RAPGEF6: variants seen among roughly 807,000 people sequenced by gnomAD.
RAPGEF6 encodes PDZ domain containing guanine nucleotide exchange factor (GEF) 2.
A neutral mutation model predicts 171.4 loss-of-function variants in RAPGEF6; 56 were observed. The ratio of observed to expected loss-of-function variants is 0.33; its 90% CI spans 0.26 to 0.41. The LOEUF (loss-of-function observed/expected upper bound fraction) is 0.41, where lower values mean the gene tolerates loss of function less well. Among genes scored for constraint, RAPGEF6 ranks in the 10% least tolerant of loss-of-function variants. The probability of loss-of-function intolerance (pLI) is 1.00; values close to 1 mark genes in which losing one functional copy is unlikely to be tolerated. For missense variants in RAPGEF6, 1,674 were observed against 1,921.4 expected (o/e 0.87, Z 2.41); for synonymous variants, 692 against 650.1 (o/e 1.06, Z -0.98).
chr5:131,480,188 T>C (rs1270065700), intron 15 of RAPGEF6, among the ~76,000 whole-genome samples: 1 of 152,218 alleles, frequency 6.6e-6, no homozygotes, highest in Non-Finnish European at 1.5e-5. Flanking sequence ...GGTCCATTTA[T>C]ACTTGAATTT....
At chr5:131,438,305 TA>T (rs2149810671) in intron 24 of RAPGEF6, among the ~76,000 whole-genome samples, 1 of 152,346 alleles carries the variant, frequency 6.6e-6, no homozygotes, top group Admixed American at 6.5e-5. Context: ...AAATTACTTG[TA>T]GTAACACAGC....
intron 4 of RAPGEF6, among the ~76,000 whole-genome samples, chr5:131,562,927 AAGCTGGACC>A (rs1442990658): frequency 6.6e-6 from 1 of 152,158 alleles, no homozygotes; most frequent in Non-Finnish European, 1.5e-5. Flanking sequence ...GAAAAAACTA[AAGCTGGACC>A]AGTACTAAAA....
chr5:131,448,393 A>G (rs1252936743), intron 21 of RAPGEF6, among the ~76,000 whole-genome samples: 1 of 152,234 alleles, frequency 6.6e-6, no homozygotes, highest in Non-Finnish European at 1.5e-5. Context: ...CAAGTCCATA[A>G]GAGCTCCTTC....
At chr5:131,581,261 A>G (rs1304324988) in intron 4 of RAPGEF6, among the ~76,000 whole-genome samples, 3 of 152,236 alleles carry the variant, frequency 2.0e-5, no homozygotes, top group African/African-American at 4.8e-5. Context: ...GGCTTGGTAT[A>G]TAACATCAAA....
intron 14 of RAPGEF6, among the ~76,000 whole-genome samples, chr5:131,491,840 G>A (rs757382255): frequency 3.3e-5 from 5 of 152,100 alleles, no homozygotes; most frequent in African/African-American, 4.8e-5. Context: ...CCATAAAACT[G>A]GTCCCTGGTG....
chr5:131,529,548 T>C (rs1417042712), intron 6 of RAPGEF6, among the ~76,000 whole-genome samples: 1 of 150,684 alleles, frequency 6.6e-6, no homozygotes, highest in East Asian at 2.0e-4. Context: ...ACTCCAAAAG[T>C]GTCAATAGGG....
At chr5:131,457,908 AG>A (rs1173778382) in intron 19 of RAPGEF6, among the ~76,000 whole-genome samples, 40 of 152,360 alleles carry the variant, frequency 2.6e-4, no homozygotes, top group African/African-American at 8.9e-4. Context: ...GAAGAAAATT[AG>A]ATTGTTTAAC....
chr5:131,458,757 G>C (rs973357331), intron 19 of RAPGEF6, among the ~76,000 whole-genome samples: 1 of 152,174 alleles, frequency 6.6e-6, no homozygotes, highest in Non-Finnish European at 1.5e-5. Context: ...GGGTTCAAGT[G>C]ATTCTCCTGC....
At position 131,468,782 on chromosome 5, in the gene RAPGEF6, G is replaced by GT. The variant is rs1383174005; in HGVS notation, c.2239+3804dup. 6.6e-5 allele frequency among the ~76,000 whole-genome samples: 10 copies of GT among 152,242 alleles called. No homozygotes were observed. The East Asian group carries it at 1.9e-3, about 29-fold the overall frequency. On this transcript the variant is annotated intron_variant, in intron 17 of 27. Transcript: ENST00000509018. ...AGCTCGACGAAAGACAAGACATTGA[G>GT]TAAGGAAGAGAATTCATACAGCAAA...
chr5:131,619,044 G>GGA (rs1765446252), intron 1 of RAPGEF6, among the ~76,000 whole-genome samples: 1 of 145,922 alleles, frequency 6.9e-6, no homozygotes, highest in Admixed American at 6.8e-5. Flanking sequence ...GTTCATGAAA[G>GGA]GAAAAAAAAA....
chr5:131,604,878 A>AC (rs1764461316), intron 1 of RAPGEF6, among the ~76,000 whole-genome samples, 185 bp from the exon 2 acceptor site: 1 of 152,222 alleles, frequency 6.6e-6, no homozygotes, highest in African/African-American at 2.4e-5. Context: ...CAGCTCTCAA[A>AC]GGAACTCCTC....
Position 131,461,939 on chromosome 5 carries a change from C to T in RAPGEF6, c.2630G>A (p.Arg877His), listed in dbSNP as rs376657484. The change falls in exon 19 of 28, where the codon CGT (arginine) becomes CAT (histidine). Residue 877 changes from arginine to histidine, a missense_variant. By Grantham distance (29) the Arg-to-His change is conservative (BLOSUM62 0). Around this residue, in one of 3 missense-constraint regions of RAPGEF6, gnomAD observed 1,116 missense variants for 1,321.5 expected, o/e 0.84. Coordinates refer to ENST00000509018, the MANE Select transcript of RAPGEF6 (RefSeq NM_016340.6). ...GATGTACTCAGTCGGTTCAATATTA[C>T]GAAACAAATCAAAGTCCCTCATTGA... is the stretch of plus-strand genomic sequence containing the variant. The part of the protein sequence containing the change: ...QLSMRDFDLF[R>H]NIEPTEYIDD... 8.7e-6 allele frequency: 14 copies of T among 1,613,934 alleles called. No homozygotes were observed. The South Asian group carries it at 9.9e-5, about 11-fold the overall frequency.
At position 131,430,719 on chromosome 5, in the gene RAPGEF6, T is replaced by C. The variant is rs759920977; in HGVS notation, c.4465+140A>G. 3.0e-5 allele frequency: 37 copies of C among 1,217,664 alleles called. 2 individuals carry two copies. In the South Asian group the frequency reaches 4.6e-4, roughly 15 times the overall value. The allele number at this position is 1,217,664 out of a possible 1,614,324, so 75.4% of individuals were successfully genotyped here. On this transcript the variant is annotated intron_variant, in intron 26 of 27. Transcript: ENST00000509018. ...TGAGAAACCATGAATTTTTGGGAAA[T>C]AACTTGTTTGTTTGTGAAGGAAAGA... is the stretch of plus-strand genomic sequence containing the variant.
chr5:131,436,039 G>A, intron 24 of RAPGEF6: 2 of 1,536,488 alleles, frequency 1.3e-6, no homozygotes, highest in Non-Finnish European at 1.7e-6. Flanking sequence ...ATTGAAGATG[G>A]CACTCCCTTT....
intron 6 of RAPGEF6, among the ~76,000 whole-genome samples, chr5:131,537,721 C>T (rs1759861878): frequency 6.6e-6 from 1 of 151,958 alleles, no homozygotes; most frequent in Non-Finnish European, 1.5e-5. Flanking sequence ...TACAGTCAGC[C>T]CTCTGTGTCC....
intron 15 of RAPGEF6, among the ~76,000 whole-genome samples, chr5:131,483,454 C>A (rs951541789): frequency 6.7e-6 from 1 of 150,136 alleles, no homozygotes; most frequent in South Asian, 2.1e-4. Flanking sequence ...GAAATGATTG[C>A]GTTAAATTAA....
At chr5:131,472,853 T>G (rs766941940) in intron 16 of RAPGEF6, 109 bp from the exon 17 acceptor site, 12 of 926,720 alleles carry the variant, frequency 1.3e-5, no homozygotes, top group Admixed American at 1.1e-4. Flanking sequence ...AAAGAGGTGA[T>G]TTAAACAACT....
intron 7 of RAPGEF6, among the ~76,000 whole-genome samples, chr5:131,517,251 C>T (rs900955780): frequency 1.3e-5 from 2 of 151,956 alleles, no homozygotes; most frequent in South Asian, 2.1e-4. Flanking sequence ...GCACATGTAC[C>T]CCCCTGCATC....
chr5:131,518,025 C>T (rs1439328774), intron 7 of RAPGEF6, among the ~76,000 whole-genome samples: 4 of 151,412 alleles, frequency 2.6e-5, no homozygotes, highest in Admixed American at 6.6e-5. Flanking sequence ...TAAAAATGTT[C>T]GTTTAAGAAA....
Sources: allele counts gnomAD v4.1 joint callset (sites outside exome capture counted in the v4.1 genomes callset), GRCh38; gene constraint gnomAD v4.1.1; regional missense constraint gnomAD v4.1.1; transcripts MANE v1.5; gene names NCBI Gene and HGNC (gene_info 2026-07-23, HGNC 2026-07-21).